SNX29: variants seen among roughly 807,000 people sequenced by gnomAD.
The protein encoded by SNX29 is sorting nexin-29.
SNX29 carries 78 observed loss-of-function variants against 102.1 expected under a neutral mutation model. The observed-to-expected ratio is 0.76, with a 90% confidence interval of 0.64 to 0.92. SNX29 has a LOEUF of 0.92. Among genes scored for constraint, SNX29 ranks in the 40% least tolerant of loss-of-function variants. SNX29 has a pLI of 0.00. For missense variants in SNX29, 1,280 were observed against 1,061.7 expected (o/e 1.21, Z -2.86); for synonymous variants, 580 against 414.5 (o/e 1.40, Z -4.85).
chr16:12,369,524 T>G (rs903731859), intron 16 of SNX29, among the ~76,000 whole-genome samples: 1 of 152,188 alleles, frequency 6.6e-6, no homozygotes, highest in Non-Finnish European at 1.5e-5. Flanking sequence ...TAGAAGCTGG[T>G]CTGGGCCAGG....
At chr16:12,010,420 G>A (rs543237166) in intron 3 of SNX29, among the ~76,000 whole-genome samples, 2 of 152,072 alleles carry the variant, frequency 1.3e-5, no homozygotes, top group African/African-American at 2.4e-5. Flanking sequence ...CCAGGAGTTC[G>A]AGACCAGCCT....
At chr16:12,538,415 CTG>C (rs2077175004) in intron 20 of SNX29, among the ~76,000 whole-genome samples, 1 of 152,172 alleles carries the variant, frequency 6.6e-6, no homozygotes, top group Non-Finnish European at 1.5e-5. Context: ...AAAATGATGT[CTG>C]GGAGTAATAA....
intron 16 of SNX29, among the ~76,000 whole-genome samples, chr16:12,378,296 TAA>T (rs1455802923): frequency 6.6e-6 from 1 of 152,100 alleles, no homozygotes; most frequent in Non-Finnish European, 1.5e-5. Context: ...ATCACATCGA[TAA>T]GAGTGAAAGC....
At chr16:12,216,435 A>C (rs2077325471) in intron 14 of SNX29, among the ~76,000 whole-genome samples, 1 of 152,182 alleles carries the variant, frequency 6.6e-6, no homozygotes, top group South Asian at 2.1e-4. Flanking sequence ...ATGAAGGTAC[A>C]ATGTGAGTGT....
Position 12,260,179 on chromosome 16 carries a change from C to T in SNX29, c.1679-17754C>T, listed in dbSNP as rs142022088. Among the ~76,000 whole-genome samples the T allele has an allele frequency of 2.6e-5, 4 of 152,298 alleles. No individual in the cohort carries two copies. In the East Asian group the frequency reaches 7.7e-4, roughly 29 times the overall value. On this transcript the variant is annotated intron_variant, in intron 14 of 20. Transcript: ENST00000566228. The stretch of plus-strand genomic sequence containing the variant: ...TTTTTAAACCTATCTTTTTTATCCC[C>T]TTGAAACATGAGACTTTGCCTTGAC...
At chr16:12,553,274 G>A (rs907129005) in intron 20 of SNX29, among the ~76,000 whole-genome samples, 1 of 152,200 alleles carries the variant, frequency 6.6e-6, no homozygotes, top group Non-Finnish European at 1.5e-5. Context: ...CCGCCTAGGG[G>A]CACAGAGTAA....
chr16:12,427,224 G>A (rs1287215152), intron 18 of SNX29, among the ~76,000 whole-genome samples: 2 of 152,074 alleles, frequency 1.3e-5, no homozygotes, highest in Non-Finnish European at 2.9e-5. Flanking sequence ...TCACCATGCA[G>A]GGTTTCAGAC....
rs1242062178 is a variant in SNX29 at position 12,059,104 on chromosome 16, C to T, written c.1125-2424C>T. 2.0e-5 allele frequency among the ~76,000 whole-genome samples: 3 copies of T among 152,080 alleles called. No individual in the cohort carries two copies. The East Asian group carries it at 5.8e-4, about 29-fold the overall frequency. ...ATGTAACTCATTTTGAGGCGGTGGT[C>T]CTTGGGGCTCACTTCTCGGGTTTGG... is the stretch of plus-strand genomic sequence containing the variant. On this transcript the variant is annotated intron_variant, in intron 8 of 20. Coordinates refer to ENST00000566228, the MANE Select transcript of SNX29 (RefSeq NM_032167.5).
At chr16:12,339,642 C>CT (rs990766261) in intron 15 of SNX29, among the ~76,000 whole-genome samples, 2 of 152,166 alleles carry the variant, frequency 1.3e-5, no homozygotes, top group African/African-American at 2.4e-5. Flanking sequence ...TCTCTGCTTT[C>CT]TTTTTTGTGG....
chr16:12,238,814 G>C (rs904613066), intron 14 of SNX29, among the ~76,000 whole-genome samples: 1 of 152,212 alleles, frequency 6.6e-6, no homozygotes, highest in Non-Finnish European at 1.5e-5. Flanking sequence ...GTGCAGAGCT[G>C]TCGAGTGTCT....
intron 20 of SNX29, among the ~76,000 whole-genome samples, chr16:12,560,381 T>G (rs910731792): frequency 6.6e-6 from 1 of 152,176 alleles, no homozygotes; most frequent in Non-Finnish European, 1.5e-5. Context: ...GCGCTCAGTA[T>G]TTTGAGTTCT....
intron 15 of SNX29, among the ~76,000 whole-genome samples, chr16:12,305,199 T>C (rs1438138797): frequency 6.6e-6 from 1 of 152,216 alleles, no homozygotes; most frequent in Non-Finnish European, 1.5e-5. Context: ...GAGCCCCTCA[T>C]ATGAGCAGTT....
At chr16:12,403,236 GTGTGTGTGTGTGTGTGTGT>G (rs2084025197) in intron 17 of SNX29, among the ~76,000 whole-genome samples, 193 bp from the exon 18 acceptor site, 6 of 148,660 alleles carry the variant, frequency 4.0e-5, no homozygotes, top group Non-Finnish European at 6.0e-5. Context: ...GTGTGTGTGT[GTGTGTGTGTGTGTGTGTGT>G]AGAGAGAGAC....
At chr16:12,567,411 C>T (rs1293161437) in intron 20 of SNX29, among the ~76,000 whole-genome samples, 10 of 152,184 alleles carry the variant, frequency 6.6e-5, no homozygotes, top group African/African-American at 1.7e-4. Context: ...ATTCAAATAG[C>T]GTATAGTAGG....
intron 16 of SNX29, among the ~76,000 whole-genome samples, chr16:12,393,504 G>C (rs1050581559): frequency 4.0e-5 from 6 of 148,590 alleles, no homozygotes; most frequent in Non-Finnish European, 8.9e-5. Context: ...GAACAGGTGG[G>C]TGTGGTAAGC....
chr16:12,536,795 GT>G (rs1567669134), intron 20 of SNX29, among the ~76,000 whole-genome samples: 1 of 152,122 alleles, frequency 6.6e-6, no homozygotes, highest in Non-Finnish European at 1.5e-5. Context: ...GGCCAACATG[GT>G]AAAACCCCAT....
intron 15 of SNX29, among the ~76,000 whole-genome samples, chr16:12,324,199 A>G (rs943329658): frequency 6.6e-6 from 1 of 151,664 alleles, no homozygotes; most frequent in African/African-American, 2.4e-5. Context: ...ATGAGTTTAC[A>G]TTGAGGACAG....
At chr16:12,434,577 T>A (rs948490795) in intron 18 of SNX29, among the ~76,000 whole-genome samples, 3 of 152,078 alleles carry the variant, frequency 2.0e-5, no homozygotes, top group Admixed American at 2.0e-4. Context: ...TGAAACAGCC[T>A]TGTGTACCCT....
intron 20 of SNX29, among the ~76,000 whole-genome samples, chr16:12,549,675 C>T (rs147234899): frequency 2.6e-5 from 4 of 152,196 alleles, no homozygotes; most frequent in Non-Finnish European, 1.5e-5. Flanking sequence ...GTCCCAAGGC[C>T]CGGCATCTTG....
Sources: allele counts gnomAD v4.1 joint callset (sites outside exome capture counted in the v4.1 genomes callset), GRCh38; gene constraint gnomAD v4.1.1; transcripts MANE v1.5; gene names NCBI Gene and HGNC (gene_info 2026-07-23, HGNC 2026-07-21).